Variants in MTF1 observed in about 807,000 individuals in gnomAD.
MTF1 encodes the protein metal regulatory transcription factor 1, also known as MRE-binding transcription factor.
Under a neutral mutation model 70.4 loss-of-function variants are expected in MTF1, and 22 were observed. That is an observed-to-expected ratio of 0.31 (90% CI 0.22 to 0.45). The LOEUF (loss-of-function observed/expected upper bound fraction) is 0.45, where lower values mean the gene tolerates loss of function less well. Among genes scored for constraint, MTF1 ranks in the 20% least tolerant of loss-of-function variants. MTF1 has a pLI of 1.00. For missense variants in MTF1, 649 were observed against 922.0 expected, an observed-to-expected ratio of 0.70 and a Z score of 3.83; for synonymous variants, 333 against 352.8, an observed-to-expected ratio of 0.94 and a Z score of 0.63.
intron 4 of MTF1, among the ~76,000 whole-genome samples, chr1:37,838,397 G>A (rs1431207594): frequency 6.6e-6 from 1 of 152,106 alleles, no homozygotes; most frequent in Non-Finnish European, 1.5e-5. Flanking sequence ...AAATAAATGG[G>A]AAAAAATGAG....
intron 7 of MTF1, chr1:37,828,288 TG>T: frequency 2.5e-6 from 1 of 395,044 alleles, no homozygotes. Flanking sequence ...TCTGGGGTGC[TG>T]GGAATGTTAT....
chr1:37,830,167 C>T (rs1641065733), intron 7 of MTF1, among the ~76,000 whole-genome samples: 1 of 152,130 alleles, frequency 6.6e-6, no homozygotes, highest in Non-Finnish European at 1.5e-5. Flanking sequence ...GCATCTAGAC[C>T]ACCCAGTGCA....
rs139198113 is a variant in MTF1 at position 37,857,269 on chromosome 1, C to T, written c.390G>A (p.Pro130=). 1,101 of 1,611,866 alleles carry T rather than the reference C, an allele frequency of 6.8e-4. 11 individuals carry two copies. In the East Asian group the frequency reaches 0.014, roughly 21 times the overall value. ...TACTTACTTCTTTACGTTTTGTTTC[C>T]GGACATTCCGACTGCAGAGTGAGGG... ...GATLTLQSEC[P]ETKRKEVKRY... Residue 130 remains proline, a synonymous_variant, in exon 2 of 11, where the codon CCG becomes CCA. Transcript: ENST00000373036.
rs1358244149 is a variant in MTF1, at chr1:37,840,666, T to C, written c.409-508A>G. Among the ~76,000 whole-genome samples the C allele has an allele frequency of 1.3e-5, 2 of 152,320 alleles. No individual in the cohort carries two copies. Among genetic ancestry groups the C allele is most frequent in the African/African-American group, 4.8e-5 (2 of 41,566 alleles). ...AGCCTACAAAATGACAACAACATAT[T>C]GCAAATTTCTTGGAAGATTTGGTGA... is the stretch of plus-strand genomic sequence containing the variant. On this transcript the variant is annotated intron_variant, in intron 2 of 10. Transcript: ENST00000373036. The surrounding 1 kb of genome is among the most constrained non-coding windows in gnomAD (Gnocchi z 4.5).
intron 2 of MTF1, 21 bp downstream of exon 2, chr1:37,857,230 C>T (rs781502013): frequency 9.4e-6 from 15 of 1,597,096 alleles, no homozygotes; most frequent in Non-Finnish European, 1.2e-5. Flanking sequence ...AAACTAGGCC[C>T]TCACTGACTG....
In MTF1 at chr1:37,811,325, G is replaced by A. The variant is rs28411034; in HGVS notation, c.*3811C>T. 0.24 allele frequency: 36,132 copies of A among 152,568 alleles called. 4,905 individuals are homozygous for A. Among genetic ancestry groups the A allele is most frequent in the Non-Finnish European group, 0.3 (20,123 of 67,988 alleles). 9.5% of individuals were successfully genotyped at this position (152,568 alleles called of 1,614,324 possible). Reference sequence around the variant, plus strand: ...GCATAATAGTGTTTCCCTATGGACAGTCTCACAGCACAGGGCTGATTGAGC... The same window carrying A: ...GCATAATAGTGTTTCCCTATGGACAATCTCACAGCACAGGGCTGATTGAGC... On this transcript the variant is annotated 3_prime_UTR_variant, in exon 11 of 11. Transcript: ENST00000373036.
At chr1:37,834,576 G>C in intron 6 of MTF1, 1 of 453,490 alleles carries the variant, frequency 2.2e-6, no homozygotes, top group Admixed American at 2.4e-5. Context: ...GATATATGTA[G>C]GACAGTCTAT....
At chr1:37,828,512 C>T (rs1440731285) in intron 7 of MTF1, among the ~76,000 whole-genome samples, 1 of 152,124 alleles carries the variant, frequency 6.6e-6, no homozygotes, top group Non-Finnish European at 1.5e-5. Context: ...GCCATGCTGG[C>T]CAGGCTGGTC....
chr1:37,836,051 C>T (rs1009722283), intron 4 of MTF1, among the ~76,000 whole-genome samples: 2 of 152,158 alleles, frequency 1.3e-5, no homozygotes, highest in African/African-American at 4.8e-5. Flanking sequence ...CCGCCCGCCT[C>T]GGCCTCCCAA....
At chr1:37,817,592 A>G in intron 9 of MTF1, 110 bp from the exon 10 acceptor site, 1 of 776,782 alleles carries the variant, frequency 1.3e-6, no homozygotes, top group East Asian at 2.4e-5. Flanking sequence ...GAAAACCCTT[A>G]GTGTTCAGGG....
At chr1:37,856,018 C>T (rs1329397229) in intron 2 of MTF1, among the ~76,000 whole-genome samples, 1 of 152,014 alleles carries the variant, frequency 6.6e-6, no homozygotes, top group East Asian at 1.9e-4. Context: ...AACTTTTATT[C>T]TGCTAATAAT....
Position 37,822,766 on chromosome 1 carries a change from T to C in MTF1, c.1172-50A>G, listed in dbSNP as rs1363151377. 5.2e-6 allele frequency: 7 copies of C among 1,358,906 alleles called. No individual in the cohort carries two copies. In the South Asian group the frequency reaches 7.7e-5, roughly 15 times the overall value. The allele number at this position is 1,358,906 out of a possible 1,614,324, so 84.2% of individuals were successfully genotyped here. A position where few individuals can be genotyped will look rare whatever the true frequency, so the allele number is the denominator to read the frequency against. Reference sequence around the variant, plus strand: ...ATATATACATATCCCAAGCCTTAGATGAGCCACAAAAACAGTCATTATGGG... The same window carrying C: ...ATATATACATATCCCAAGCCTTAGACGAGCCACAAAAACAGTCATTATGGG... On this transcript the variant is annotated intron_variant, in intron 8 of 10. Transcript: ENST00000373036.
rs549409019 is a variant in MTF1, at chr1:37,839,791, G to A, written c.647+129C>T. 43 of 695,270 alleles carry A rather than the reference G, an allele frequency of 6.2e-5. No individual in the cohort carries two copies. The Admixed American group carries it at 6.7e-4, about 11-fold the overall frequency. 43.1% of individuals were successfully genotyped at this position (695,270 alleles called of 1,614,324 possible). On this transcript the variant is annotated intron_variant, in intron 3 of 10. Transcript: ENST00000373036. ...GAGATCTGGCAGAAATGAATTTTAC[G>A]TAGTTGAACACAGCTGCGCTCTTTT...
intron 7 of MTF1, among the ~76,000 whole-genome samples, chr1:37,830,111 T>G (rs2148407633): frequency 6.6e-6 from 1 of 152,338 alleles, no homozygotes; most frequent in African/African-American, 2.4e-5. Context: ...AGTTACACGT[T>G]AAAGGGATAT....
At position 37,812,292 on chromosome 1, in the gene MTF1, C is replaced by T. The variant is rs1406199186; in HGVS notation, c.*2844G>A. 1 of 152,100 alleles carries T rather than the reference C, an allele frequency of 6.6e-6. No individual in the cohort carries two copies. Among genetic ancestry groups the T allele is most frequent in the Non-Finnish European group, 1.5e-5 (1 of 68,036 alleles). 9.4% of individuals were successfully genotyped at this position (152,100 alleles called of 1,614,324 possible). On this transcript the variant is annotated 3_prime_UTR_variant, in exon 11 of 11. Transcript: ENST00000373036. The stretch of plus-strand genomic sequence containing the variant: ...TCTCCAAGGTCCTCGGCACTAGAGA[C>T]CAGGCTTATGGAAGGACAGGTAGGA...
chr1:37,835,114 A>C lies in MTF1; in HGVS notation c.955T>G (p.Ser319Ala). 1 of 1,614,174 alleles carries C rather than the reference A, an allele frequency of 6.2e-7. No homozygotes were observed. Among genetic ancestry groups the C allele is most frequent in the Non-Finnish European group, 8.5e-7 (1 of 1,179,996 alleles). The change falls in exon 6 of 11, where the codon TCA becomes GCA. Residue 319 changes from serine to alanine, a missense_variant. Physicochemically the swap from Ser to Ala is moderately conservative, Grantham distance 99. Transcript: ENST00000373036. ...TTGTGTTGTGGAAGTGCATTGTATG[A>C]GTGTCCTTTGTTATCATGACCTTTC... ...HMKGHDNKGH[S>A]YNALPQHNGS...
chr1:37,828,687 A>G (rs545964105), intron 7 of MTF1, among the ~76,000 whole-genome samples: 2 of 152,310 alleles, frequency 1.3e-5, no homozygotes, highest in South Asian at 4.1e-4. Context: ...TTTATAATAC[A>G]TGTGCTTTTC....
intron 2 of MTF1, among the ~76,000 whole-genome samples, chr1:37,853,545 T>C (rs1040353624): frequency 3.3e-5 from 5 of 152,052 alleles, no homozygotes; most frequent in African/African-American, 1.2e-4. Flanking sequence ...TATTTAGCCC[T>C]AAGCAGAAAA....
chr1:37,834,074 A>C (rs1392869622), intron 6 of MTF1, among the ~76,000 whole-genome samples: 1 of 152,042 alleles, frequency 6.6e-6, no homozygotes, highest in Non-Finnish European at 1.5e-5. Flanking sequence ...TAAAAACACA[A>C]AAAAAACCTG....
Sources: gnomAD v4.1 joint callset for allele counts (sites outside exome capture counted in the v4.1 genomes callset) on GRCh38, gnomAD v4.1.1 for gene constraint, Gnocchi (gnomAD v3.1) non-coding constraint, MANE v1.5 for transcripts, NCBI Gene and HGNC (gene_info 2026-07-23, HGNC 2026-07-21) for gene names.